ARID1A: variants seen among roughly 807,000 people sequenced by gnomAD.
The protein encoded by ARID1A is AT-rich interactive domain-containing protein 1A.
In ARID1A, 20 loss-of-function variants were observed where a neutral mutation model predicts 212.6. That is an observed-to-expected ratio of 0.09 (90% CI 0.07 to 0.14). The LOEUF is 0.14. Ranked by LOEUF, ARID1A falls within the 10% of genes least tolerant of loss-of-function variation. The probability of loss-of-function intolerance (pLI) is 1.00; values close to 1 mark genes in which losing one functional copy is unlikely to be tolerated. For missense variants in ARID1A, 2,587 were observed against 3,059.0 expected, an observed-to-expected ratio of 0.85 and a Z score of 3.64; for synonymous variants, 1,376 against 1,222.1, an observed-to-expected ratio of 1.13 and a Z score of -2.63.
intron 1 of ARID1A, among the ~76,000 whole-genome samples, chr1:26,721,665 A>G (rs1368016360): frequency 6.6e-6 from 1 of 152,230 alleles, no homozygotes; most frequent in African/African-American, 2.4e-5. Flanking sequence ...TCTGGAAATG[A>G]TGATAGCCAC....
intron 4 of ARID1A, among the ~76,000 whole-genome samples, chr1:26,741,826 G>A (rs149525508): frequency 8.9e-4 from 135 of 152,248 alleles, no homozygotes; most frequent in Admixed American, 1.5e-3. Context: ...ATTACCCTTC[G>A]TATTTTTACT....
At chr1:26,747,036 G>A (rs987429070) in intron 4 of ARID1A, among the ~76,000 whole-genome samples, 5 of 151,878 alleles carry the variant, frequency 3.3e-5, no homozygotes, top group South Asian at 2.1e-4. Flanking sequence ...GTAAGACTCC[G>A]TGTCAAAAAA....
intron 4 of ARID1A, among the ~76,000 whole-genome samples, chr1:26,745,039 CT>C (rs1216427271): frequency 1.3e-5 from 2 of 152,136 alleles, no homozygotes; most frequent in Non-Finnish European, 2.9e-5. Flanking sequence ...TTTGATAATA[CT>C]GAGTCAGAGG....
At chr1:26,769,441 A>T (rs1034778123) in intron 11 of ARID1A, 2 of 152,248 alleles carry the variant, frequency 1.3e-5, no homozygotes, top group African/African-American at 2.4e-5. Context: ...TATCTAAAGG[A>T]TTAGTAGGGT....
chr1:26,696,535 G>C lies in ARID1A; in HGVS notation c.132G>C (p.Ala44=). 1 of 1,225,490 alleles carries C rather than the reference G, an allele frequency of 8.2e-7. No homozygotes were observed. The highest frequency in any genetic ancestry group is 1.0e-6 in the Non-Finnish European group (1 of 986,526). 75.9% of individuals were successfully genotyped at this position (1,225,490 alleles called of 1,614,324 possible). Reference sequence around the variant, plus strand: ...GGGGCGAGGCGGCGGCGGCGGCAGCGGCCGAGCGCGGGGAAATGAAGGCAG... The same window carrying C: ...GGGGCGAGGCGGCGGCGGCGGCAGCCGCCGAGCGCGGGGAAATGAAGGCAG... The part of the protein sequence containing the change: ...EAGGEAAAAA[A]AERGEMKAAA... Residue 44 remains alanine, a synonymous_variant, in exon 1 of 20, where the codon GCG becomes GCC. Transcript: ENST00000324856.
rs2124121712 is a variant in ARID1A, at chr1:26,774,940, C to T, written c.4713C>T (p.Asn1571=). 7.4e-7 allele frequency: 1 copy of T among 1,352,712 alleles called. No homozygotes were observed. The highest frequency in any genetic ancestry group is 9.8e-7 in the Non-Finnish European group (1 of 1,023,144). The allele number at this position is 1,352,712 out of a possible 1,614,324, so 83.8% of individuals were successfully genotyped here. ...CCATGACAAGGCCCCCTCCATCTAACTACCAGCCCCCACCAAGCATGCAGA... is the reference window on the plus strand; with the variant it reads ...CCATGACAAGGCCCCCTCCATCTAATTACCAGCCCCCACCAAGCATGCAGA... ...VPPMTRPPPS[N]YQPPPSMQNH... The change falls in exon 18 of 20, where the codon AAC becomes AAT. Residue 1571 remains asparagine, a synonymous_variant. Coordinates refer to ENST00000324856, the MANE Select transcript of ARID1A (RefSeq NM_006015.6). The surrounding 1 kb of genome is among the most constrained non-coding windows in gnomAD (Gnocchi z 5.6).
At chr1:26,738,077 G>A (rs1049777809) in intron 4 of ARID1A, among the ~76,000 whole-genome samples, 24 of 151,494 alleles carry the variant, frequency 1.6e-4, no homozygotes, top group Non-Finnish European at 2.8e-4. Context: ...AGGCTGGAGT[G>A]CAGTGGCACA....
rs761906554 is a variant in ARID1A at position 26,774,946 on chromosome 1, G to A, written c.4719G>A (p.Gln1573=). 9.3e-6 allele frequency: 14 copies of A among 1,501,528 alleles called. No individual in the cohort carries two copies. The South Asian group carries it at 1.8e-4, about 19-fold the overall frequency. 93.0% of individuals were successfully genotyped at this position (1,501,528 alleles called of 1,614,324 possible). ...CAAGGCCCCCTCCATCTAACTACCAGCCCCCACCAAGCATGCAGAATCACA... is the reference window on the plus strand; with the variant it reads ...CAAGGCCCCCTCCATCTAACTACCAACCCCCACCAAGCATGCAGAATCACA... ...PMTRPPPSNY[Q]PPPSMQNHIP... Residue 1573 remains glutamine (Q), a synonymous_variant, in exon 18 of 20, where the codon CAG becomes CAA. Coordinates refer to ENST00000324856, the MANE Select transcript of ARID1A (RefSeq NM_006015.6). The surrounding 1 kb of genome is among the most constrained non-coding windows in gnomAD (Gnocchi z 5.6).
At chr1:26,705,792 C>A (rs910795306) in intron 1 of ARID1A, among the ~76,000 whole-genome samples, 2 of 152,150 alleles carry the variant, frequency 1.3e-5, no homozygotes, top group Non-Finnish European at 2.9e-5. Context: ...TCTGAATGAA[C>A]TTCTGTTTGT....
At chr1:26,755,789 G>A (rs2124034824) in intron 4 of ARID1A, among the ~76,000 whole-genome samples, 1 of 151,860 alleles carries the variant, frequency 6.6e-6, no homozygotes, top group South Asian at 2.1e-4. Context: ...TGTTGCCCAG[G>A]CTGGAGTGCA....
intron 1 of ARID1A, among the ~76,000 whole-genome samples, chr1:26,706,579 A>G (rs938602465): frequency 2.0e-5 from 3 of 152,156 alleles, no homozygotes; most frequent in Non-Finnish European, 4.4e-5. Context: ...AAAAGTGCAA[A>G]TTCAGCCACG....
intron 1 of ARID1A, among the ~76,000 whole-genome samples, chr1:26,714,863 T>TA (rs2080487049): frequency 6.6e-6 from 1 of 152,192 alleles, no homozygotes; most frequent in African/African-American, 2.4e-5. Context: ...ATTAATGAAA[T>TA]AAACAGTGGC....
intron 4 of ARID1A, among the ~76,000 whole-genome samples, chr1:26,754,665 T>G (rs897502875): frequency 6.6e-6 from 1 of 152,196 alleles, no homozygotes; most frequent in Admixed American, 6.5e-5. Context: ...AGGCGTGACC[T>G]TTCTCCTCAG....
intron 4 of ARID1A, among the ~76,000 whole-genome samples, chr1:26,741,454 A>C (rs753339234): frequency 6.6e-6 from 1 of 152,156 alleles, no homozygotes; most frequent in Non-Finnish European, 1.5e-5. Flanking sequence ...AATCAGTCCA[A>C]TTCCTCCGCT....
chr1:26,721,167 T>C (rs2124775428), intron 1 of ARID1A, among the ~76,000 whole-genome samples: 1 of 152,288 alleles, frequency 6.6e-6, no homozygotes, highest in East Asian at 1.9e-4. Context: ...TGTTTCATAG[T>C]TTTCTTGGGG....
chr1:26,752,716 G>A (rs1305423701), intron 4 of ARID1A, among the ~76,000 whole-genome samples: 1 of 152,174 alleles, frequency 6.6e-6, no homozygotes, highest in African/African-American at 2.4e-5. Flanking sequence ...GCCTAGGGGC[G>A]GGGCGGGGAT....
In ARID1A at chr1:26,731,576, A is replaced by C. The variant is rs569516664; in HGVS notation, c.1775A>C (p.Tyr592Ser). The C allele has an allele frequency of 6.2e-7, 1 of 1,614,054 alleles. No homozygotes were observed. The highest frequency in any genetic ancestry group is 8.5e-7 in the Non-Finnish European group (1 of 1,179,960). The change falls in exon 3 of 20, where the codon TAT becomes TCT. Residue 592 changes from tyrosine to serine, a missense_variant. Tyr to Ser is a moderately radical substitution (Grantham distance 144, BLOSUM62 -2). Transcript: ENST00000324856. The stretch of plus-strand genomic sequence containing the variant: ...TCTCAGCAGTCCCAGCAAACTGCCT[A>C]TTCCCAGCAGCGCTTCCCTCCACCG... ...PQSQQSQQTAYSQQRFPPPQE... is the reference protein window; with the variant it reads ...PQSQQSQQTASSQQRFPPPQE...
At chr1:26,768,490 G>A (rs1432660912) in intron 11 of ARID1A, among the ~76,000 whole-genome samples, 1 of 152,178 alleles carries the variant, frequency 6.6e-6, no homozygotes, top group Non-Finnish European at 1.5e-5. Context: ...CTTTCAGCAA[G>A]GTTTCTGCCA....
At chr1:26,732,186 G>T (rs1189676004) in intron 3 of ARID1A, among the ~76,000 whole-genome samples, 2 of 152,162 alleles carry the variant, frequency 1.3e-5, no homozygotes, top group South Asian at 2.1e-4. Context: ...GTAGGTAATA[G>T]AGCCTAAAAT....
Sources: gnomAD v4.1 joint callset for allele counts (sites outside exome capture counted in the v4.1 genomes callset) on GRCh38, gnomAD v4.1.1 for gene constraint, Gnocchi (gnomAD v3.1) non-coding constraint, MANE v1.5 for transcripts, NCBI Gene and HGNC (gene_info 2026-07-23, HGNC 2026-07-21) for gene names.